Variants in OPTN observed in about 807,000 individuals in gnomAD.
The protein encoded by OPTN is E3-14.7K-interacting protein.
Under a neutral mutation model 70.4 loss-of-function variants are expected in OPTN, and 54 were observed. The ratio of observed to expected loss-of-function variants is 0.77; its 90% CI spans 0.62 to 0.96. The LOEUF (loss-of-function observed/expected upper bound fraction) is 0.96, where lower values mean the gene tolerates loss of function less well. Ranked by LOEUF, OPTN falls within the 40% of genes least tolerant of loss-of-function variation. The probability of loss-of-function intolerance (pLI) is 0.00; values close to 1 mark genes in which losing one functional copy is unlikely to be tolerated. For synonymous variants in OPTN, 256 were observed against 248.5 expected (o/e 1.03, Z -0.28); for missense variants, 624 against 673.2 (o/e 0.93, Z 0.81).
intron 10 of OPTN, 39 bp downstream of exon 10, chr10:13,125,606 G>C: frequency 1.2e-6 from 2 of 1,612,356 alleles, no homozygotes; most frequent in Non-Finnish European, 1.7e-6. Context: ...ACGGGGCAGA[G>C]GAGGGAGAAT....
At chr10:13,132,260 T>G in intron 13 of OPTN, 63 bp downstream of exon 13, 1 of 1,587,292 alleles carries the variant, frequency 6.3e-7, no homozygotes, top group Admixed American at 1.7e-5. Flanking sequence ...GAGGTGCCTG[T>G]CCAAAGACGT....
At chr10:13,108,870 A>T (rs1180813759) in intron 2 of OPTN, 2 of 495,492 alleles carry the variant, frequency 4.0e-6, no homozygotes, top group Non-Finnish European at 7.5e-6. Context: ...TTATACACCC[A>T]TACACACACA....
intron 11 of OPTN, among the ~76,000 whole-genome samples, chr10:13,127,155 A>C (rs979938254): frequency 6.6e-6 from 1 of 151,958 alleles, no homozygotes; most frequent in Non-Finnish European, 1.5e-5. Flanking sequence ...TTTTTCATTT[A>C]TTTTCTTTTA....
chr10:13,115,884 T>C (rs1228803454), intron 5 of OPTN, among the ~76,000 whole-genome samples: 1 of 151,848 alleles, frequency 6.6e-6, no homozygotes, highest in Non-Finnish European at 1.5e-5. Flanking sequence ...AGTTCTAGCA[T>C]TTTGCATTTT....
Position 13,117,449 on chromosome 10 carries a change from T to G in OPTN, c.626+1109T>G, listed in dbSNP as rs1659848. On this transcript the variant is annotated intron_variant, in intron 6 of 14. Transcript: ENST00000378747. ...TTTTTTTGAGATGGAGTTTTTTTTT[T>G]TTTTTTTTTTTTTTGAGATGGAGTT... is the stretch of plus-strand genomic sequence containing the variant. 2.5e-3 allele frequency among the ~76,000 whole-genome samples: 81 copies of G among 33,034 alleles called. 1 individual carries two copies. Among genetic ancestry groups the G allele is most frequent in the African/African-American group, 9.2e-3 (66 of 7,184 alleles). 21.7% of individuals were successfully genotyped at this position (33,034 alleles called of 152,430 possible).
At chr10:13,122,647 C>T (rs1302462119) in intron 8 of OPTN, among the ~76,000 whole-genome samples, 160 bp downstream of exon 8, 3 of 152,132 alleles carry the variant, frequency 2.0e-5, no homozygotes, top group African/African-American at 7.2e-5. Flanking sequence ...CCTTGTCCTG[C>T]TCTGTGTCAA....
intron 10 of OPTN, 28 bp downstream of exon 10, chr10:13,125,595 G>A (rs189262336): frequency 8.1e-6 from 13 of 1,613,542 alleles, no homozygotes; most frequent in African/African-American, 8.0e-5. Flanking sequence ...GAAGGGCAGC[G>A]ACGGGGCAGA....
chr10:13,104,899 G>A lies in OPTN; in HGVS notation c.-163-3239G>A, dbSNP rs115372868. On this transcript the variant is annotated intron_variant, in intron 1 of 14. Transcript: ENST00000378747. ...GGGCCCGACCGCAGGACCGGGAGGC[G>A]AGTCGGCCAGAAAGAGGTGCAGTGG... 9.4e-4 allele frequency: 264 copies of A among 281,056 alleles called. 2 individuals carry two copies. Among genetic ancestry groups the A allele is most frequent in the African/African-American group, 5.6e-3 (245 of 43,878 alleles). The allele number at this position is 281,056 out of a possible 1,614,324, so 17.4% of individuals were successfully genotyped here.
intron 12 of OPTN, among the ~76,000 whole-genome samples, chr10:13,129,389 T>C (rs1333126093): frequency 2.6e-5 from 4 of 151,818 alleles, no homozygotes; most frequent in African/African-American, 4.8e-5. Context: ...AGTCTAGCTC[T>C]GTCACCAGGC....
intron 1 of OPTN, among the ~76,000 whole-genome samples, chr10:13,106,784 A>T (rs966187003): frequency 1.3e-5 from 2 of 152,260 alleles, no homozygotes; most frequent in African/African-American, 4.8e-5. Flanking sequence ...TTAAATGCAC[A>T]CATAGATATC....
At chr10:13,128,975 A>G (rs1269790023) in intron 12 of OPTN, among the ~76,000 whole-genome samples, 1 of 152,174 alleles carries the variant, frequency 6.6e-6, no homozygotes, top group Non-Finnish European at 1.5e-5. Flanking sequence ...GTAGTCCAGT[A>G]TATCAGCCTT....
chr10:13,100,479 C>T (rs1828613731), intron 1 of OPTN, among the ~76,000 whole-genome samples, 177 bp downstream of exon 1: 1 of 152,208 alleles, frequency 6.6e-6, no homozygotes, highest in African/African-American at 2.4e-5. Context: ...CTGGGAGGAT[C>T]CCCAAGCCTC....
At chr10:13,118,104 A>T (rs1183481391) in intron 6 of OPTN, among the ~76,000 whole-genome samples, 1 of 152,238 alleles carries the variant, frequency 6.6e-6, no homozygotes, top group African/African-American at 2.4e-5. Context: ...GCTATTTTTA[A>T]AATAACAGCT....
At position 13,124,111 on chromosome 10, in the gene OPTN, G is replaced by T; in HGVS notation, c.998+1G>T. 1 of 1,562,540 alleles carries T rather than the reference G, an allele frequency of 6.4e-7. No homozygotes were observed. The highest frequency in any genetic ancestry group is 8.8e-7 in the Non-Finnish European group (1 of 1,134,586). ...TAATGAAGAAGAGACTTCAAGAAAA[G>T]TAAGAATGAGAGAGCAATTTTATCC... On this transcript the variant is annotated splice_donor_variant, in intron 9 of 14. Transcript: ENST00000378747. LOFTEE classifies it high-confidence loss of function.
intron 8 of OPTN, among the ~76,000 whole-genome samples, 171 bp from the exon 9 acceptor site, chr10:13,123,824 G>A (rs908644098): frequency 5.3e-5 from 8 of 152,176 alleles, no homozygotes; most frequent in Non-Finnish European, 1.0e-4. Context: ...TAAGTACCAA[G>A]TATCCAAAAC....
chr10:13,115,000 TA>T (rs1276469301), intron 5 of OPTN, among the ~76,000 whole-genome samples: 1 of 8,494 alleles, frequency 1.2e-4, no homozygotes, highest in African/African-American at 2.9e-4. Flanking sequence ...TATATTTATA[TA>T]TATTTATATA....
rs1833727067 is a variant in OPTN at position 13,137,701 on chromosome 10, A to G, written c.*835A>G. On this transcript the variant is annotated 3_prime_UTR_variant, in exon 15 of 15. Transcript: ENST00000378747. ...TTATTGCAGCCACAATAATTTTACC[A>G]AAGTTTTCACATAGGCAGTTAGCCT... The G allele has an allele frequency of 4.3e-6, 1 of 230,780 alleles. No individual in the cohort carries two copies. Among genetic ancestry groups the G allele is most frequent in the Non-Finnish European group, 8.6e-6 (1 of 116,594 alleles). The allele number at this position is 230,780 out of a possible 1,614,324, so 14.3% of individuals were successfully genotyped here.
In OPTN at chr10:13,123,480, T is replaced by A. The variant is rs1391747023; in HGVS notation, c.883-515T>A. On this transcript the variant is annotated intron_variant, in intron 8 of 14. Transcript: ENST00000378747. Reference sequence around the variant, plus strand: ...GAAGAGACCACCAGTGAATAATAGTTCCCTGTTGACTAAAACGAATTCAAC... The same window carrying A: ...GAAGAGACCACCAGTGAATAATAGTACCCTGTTGACTAAAACGAATTCAAC... 2.0e-5 allele frequency among the ~76,000 whole-genome samples: 3 copies of A among 152,322 alleles called. No homozygotes were observed. In the South Asian group the frequency reaches 6.2e-4, roughly 32 times the overall value.
chr10:13,115,269 AT>A (rs1833150926), intron 5 of OPTN, among the ~76,000 whole-genome samples: 1 of 97,568 alleles, frequency 1.0e-5, no homozygotes. Flanking sequence ...CTATATTTAT[AT>A]AATGAATACA....
Sources: allele counts gnomAD v4.1 joint callset (sites outside exome capture counted in the v4.1 genomes callset), GRCh38; gene constraint gnomAD v4.1.1; transcripts MANE v1.5; gene names NCBI Gene and HGNC (gene_info 2026-07-23, HGNC 2026-07-21).